The following DLGAP2 variants were observed in gnomAD, a reference collection of about 807,000 sequenced individuals.
The protein encoded by DLGAP2 is DLG associated protein 2, also known as disks large-associated protein 2.
In DLGAP2, 26 loss-of-function variants were observed where a neutral mutation model predicts 100.3. That is an observed-to-expected ratio of 0.26 (90% CI 0.19 to 0.36). DLGAP2 has a LOEUF of 0.36. DLGAP2 is among the 10% of genes least tolerant of loss of function. The probability of loss-of-function intolerance (pLI) is 1.00; values close to 1 mark genes in which losing one functional copy is unlikely to be tolerated. For missense variants in DLGAP2, 1,858 were observed against 1,453.2 expected, an observed-to-expected ratio of 1.28 and a Z score of -4.53; for synonymous variants, 886 against 630.1, an observed-to-expected ratio of 1.41 and a Z score of -6.08.
At chr8:1,568,015 A>T (rs1028615134) in intron 6 of DLGAP2, among the ~76,000 whole-genome samples, 1 of 150,898 alleles carries the variant, frequency 6.6e-6, no homozygotes, top group Non-Finnish European at 1.5e-5. Context: ...CCCCCATGCC[A>T]CTGTCCACTC....
At chr8:930,973 G>A (rs1584899729) in intron 2 of DLGAP2, among the ~76,000 whole-genome samples, 1 of 152,214 alleles carries the variant, frequency 6.6e-6, no homozygotes, top group Admixed American at 6.5e-5. Context: ...TGGGGGCTCA[G>A]ATCCATTCTT....
At chr8:1,214,123 A>G (rs955995175) in intron 2 of DLGAP2, among the ~76,000 whole-genome samples, 2 of 151,994 alleles carry the variant, frequency 1.3e-5, no homozygotes, top group African/African-American at 4.8e-5. Flanking sequence ...GTCTTACCAC[A>G]CTTTCTCCCA....
chr8:988,997 C>T (rs780334177), intron 2 of DLGAP2, among the ~76,000 whole-genome samples: 1 of 152,192 alleles, frequency 6.6e-6, no homozygotes, highest in Non-Finnish European at 1.5e-5. Flanking sequence ...GCCTGCACTG[C>T]CTCCGCTCGC....
At chr8:1,054,786 C>G (rs1254551945) in intron 2 of DLGAP2, among the ~76,000 whole-genome samples, 5 of 152,148 alleles carry the variant, frequency 3.3e-5, no homozygotes, top group African/African-American at 1.2e-4. Flanking sequence ...TAAAAAAACT[C>G]TTGGAGGCTG....
intron 8 of DLGAP2, among the ~76,000 whole-genome samples, chr8:1,649,484 G>T (rs565682611): frequency 6.6e-6 from 1 of 152,232 alleles, no homozygotes; most frequent in African/African-American, 2.4e-5. Flanking sequence ...TGATTACTCT[G>T]AATTAATCTT....
chr8:1,539,211 T>C (rs1435516689), intron 4 of DLGAP2, among the ~76,000 whole-genome samples: 1 of 152,142 alleles, frequency 6.6e-6, no homozygotes, highest in Non-Finnish European at 1.5e-5. Context: ...TTCGTTTGTT[T>C]TCATAACTAA....
chr8:1,171,295 C>T (rs988309530), intron 2 of DLGAP2, among the ~76,000 whole-genome samples: 2 of 152,162 alleles, frequency 1.3e-5, no homozygotes, highest in Non-Finnish European at 2.9e-5. Flanking sequence ...GAGAGCTTTA[C>T]TTCCAGAGTA....
chr8:1,565,649 A>G (rs1802367425), intron 5 of DLGAP2, 34 bp from the exon 6 acceptor site: 1 of 1,568,016 alleles, frequency 6.4e-7, no homozygotes, highest in Non-Finnish European at 8.7e-7. Context: ...TCAGTGACAA[A>G]GTTGATGCGT....
intron 2 of DLGAP2, among the ~76,000 whole-genome samples, chr8:1,228,458 T>C (rs1798467646): frequency 6.6e-6 from 1 of 152,176 alleles, no homozygotes. Context: ...ACTCATTCTG[T>C]GAAGCCGATA....
At position 1,603,279 on chromosome 8, in the gene DLGAP2, G is replaced by C. The variant is rs57798201; in HGVS notation, c.1443-23461G>C. On this transcript the variant is annotated intron_variant, in intron 6 of 14. Coordinates refer to ENST00000637795, the MANE Select transcript of DLGAP2 (RefSeq NM_001346810.2). Reference sequence around the variant, plus strand: ...AGAGTGGAGGCTGGGTCTCAGTTCTGTAGAGGCTGGTTAGAGTGGAGGATG... The same window carrying C: ...AGAGTGGAGGCTGGGTCTCAGTTCTCTAGAGGCTGGTTAGAGTGGAGGATG... 1.1e-4 allele frequency among the ~76,000 whole-genome samples: 17 copies of C among 148,156 alleles called. 1 individual carries two copies. The highest frequency in any genetic ancestry group is 4.0e-4 in the African/African-American group (16 of 40,032).
chr8:1,225,787 G>T (rs1205980578), intron 2 of DLGAP2, among the ~76,000 whole-genome samples: 1 of 152,194 alleles, frequency 6.6e-6, no homozygotes, highest in Non-Finnish European at 1.5e-5. Context: ...ATTGTGTATT[G>T]TGGTGAATGC....
At chr8:1,603,727 T>C (rs1423833444) in intron 6 of DLGAP2, among the ~76,000 whole-genome samples, 1 of 152,178 alleles carries the variant, frequency 6.6e-6, no homozygotes, top group Non-Finnish European at 1.5e-5. Context: ...CAGCTCATAG[T>C]AGTTGGAACA....
intron 1 of DLGAP2, among the ~76,000 whole-genome samples, chr8:780,843 C>G (rs1354666702): frequency 1.3e-5 from 2 of 152,192 alleles, no homozygotes; most frequent in East Asian, 1.9e-4. Context: ...CCCACACCCC[C>G]TTTTTATTCC....
chr8:1,259,560 G>C (rs969498902), intron 3 of DLGAP2: 7 of 152,256 alleles, frequency 4.6e-5, no homozygotes, highest in Admixed American at 1.3e-4. Context: ...GCTTTCAGCA[G>C]CAAGAGGCAA....
chr8:1,289,112 C>T (rs1245506262), intron 3 of DLGAP2, among the ~76,000 whole-genome samples: 1 of 152,188 alleles, frequency 6.6e-6, no homozygotes, highest in Non-Finnish European at 1.5e-5. Flanking sequence ...ATGAAGGCCC[C>T]TGAATTGAGA....
intron 2 of DLGAP2, among the ~76,000 whole-genome samples, chr8:1,130,731 C>A (rs773096054): frequency 2.0e-5 from 3 of 152,224 alleles, no homozygotes; most frequent in Non-Finnish European, 4.4e-5. Flanking sequence ...AGACAGACCG[C>A]ACCAGAGGCC....
chr8:1,136,173 A>G (rs530254756), intron 2 of DLGAP2, among the ~76,000 whole-genome samples: 228 of 152,198 alleles, frequency 1.5e-3, no homozygotes, highest in African/African-American at 5.4e-3. Flanking sequence ...CACTGTCCCA[A>G]GGGGCGGGAC....
intron 3 of DLGAP2, 47 bp downstream of exon 3, chr8:1,258,930 C>G: frequency 4.1e-6 from 5 of 1,228,728 alleles, no homozygotes; most frequent in Non-Finnish European, 4.1e-6. Flanking sequence ...CCGCGCGGCT[C>G]ACAGGTGTGT....
chr8:1,077,488 G>A (rs1477881866), intron 2 of DLGAP2, among the ~76,000 whole-genome samples: 2 of 152,176 alleles, frequency 1.3e-5, no homozygotes, highest in East Asian at 3.9e-4. Context: ...TGAGATGTTG[G>A]ACTTTTAGGT....
Sources: gnomAD v4.1 joint callset for allele counts (sites outside exome capture counted in the v4.1 genomes callset) on GRCh38, gnomAD v4.1.1 for gene constraint, MANE v1.5 for transcripts, NCBI Gene and HGNC (gene_info 2026-07-23, HGNC 2026-07-21) for gene names.